The following FRMD4A variants were observed in gnomAD, a reference collection of about 807,000 sequenced individuals.
FRMD4A encodes FERM domain containing 4A, also known as FERM domain-containing protein 4A.
Under a neutral mutation model 129.1 loss-of-function variants are expected in FRMD4A, and 29 were observed. The ratio of observed to expected loss-of-function variants is 0.22; its 90% CI spans 0.17 to 0.31. The LOEUF is 0.31. Among genes scored for constraint, FRMD4A ranks in the 10% least tolerant of loss-of-function variants. The pLI, the probability that FRMD4A is intolerant of heterozygous loss-of-function variation, is 1.00. For synonymous variants in FRMD4A, 634 were observed against 571.6 expected (o/e 1.11, Z -1.56); for missense variants, 1,272 against 1,375.8 (o/e 0.92, Z 1.19).
intron 12 of FRMD4A, among the ~76,000 whole-genome samples, chr10:13,735,465 C>G (rs907201776): frequency 6.6e-6 from 1 of 152,152 alleles, no homozygotes; most frequent in Non-Finnish European, 1.5e-5. Context: ...TATCTTGAAG[C>G]CTGTTTTAGC....
rs371999483 is a variant in FRMD4A at position 13,661,438 on chromosome 10, G to A, written c.1661-885C>T. On this transcript the variant is annotated intron_variant, in intron 19 of 24. Transcript: ENST00000357447. Reference sequence around the variant, plus strand: ...AGCTGCAGGCACATCTGGCCAGGCAGGGGCTGGTGAGGAGGGGCAGGGGGA... The same window carrying A: ...AGCTGCAGGCACATCTGGCCAGGCAAGGGCTGGTGAGGAGGGGCAGGGGGA... Among the ~76,000 whole-genome samples the A allele has an allele frequency of 4.6e-5, 7 of 152,300 alleles. No individual in the cohort carries two copies. In the South Asian group the frequency reaches 6.2e-4, roughly 14 times the overall value.
intron 2 of FRMD4A, among the ~76,000 whole-genome samples, chr10:13,928,667 G>A (rs1287862182): frequency 6.6e-6 from 1 of 152,140 alleles, no homozygotes; most frequent in Non-Finnish European, 1.5e-5. Flanking sequence ...TGCTAAGGCT[G>A]GCTGGCAGTG....
intron 2 of FRMD4A, among the ~76,000 whole-genome samples, chr10:14,253,801 G>T (rs1432318619): frequency 1.3e-5 from 2 of 152,158 alleles, no homozygotes; most frequent in South Asian, 2.1e-4. Flanking sequence ...ACCAAGGACG[G>T]GGTGAAGTGT....
intron 2 of FRMD4A, among the ~76,000 whole-genome samples, chr10:14,147,259 G>A (rs1589075642): frequency 6.6e-6 from 1 of 152,234 alleles, no homozygotes; most frequent in Non-Finnish European, 1.5e-5. Flanking sequence ...AACCCTGATG[G>A]TCATTATATT....
At chr10:13,871,883 C>T (rs1280428570) in intron 2 of FRMD4A, among the ~76,000 whole-genome samples, 2 of 152,238 alleles carry the variant, frequency 1.3e-5, no homozygotes, top group South Asian at 2.1e-4. Context: ...TGAGCCACAC[C>T]GCCGGGGCTT....
At chr10:14,149,803 C>T (rs180856454) in intron 2 of FRMD4A, among the ~76,000 whole-genome samples, 74 of 152,294 alleles carry the variant, frequency 4.9e-4, no homozygotes, top group African/African-American at 1.7e-3. Flanking sequence ...TGCTTCATGT[C>T]CCGAGGTGGC....
intron 12 of FRMD4A, among the ~76,000 whole-genome samples, chr10:13,714,033 T>TAAAATATAC (rs375356403): frequency 4.1e-5 from 1 of 24,244 alleles, no homozygotes; most frequent in South Asian, 9.4e-4. Context: ...TATACATATA[T>TAAAATATAC]ATATATATAT....
rs935194043 is a variant in FRMD4A, at chr10:13,728,727, C to T, written c.759+9117G>A. On this transcript the variant is annotated intron_variant, in intron 12 of 24. Coordinates refer to ENST00000357447, the MANE Select transcript of FRMD4A (RefSeq NM_018027.5). ...CTGGGATTACAGGCGTATATCACCA[C>T]GCCCAGCTAATTTTTGTATTTTTTA... Among the ~76,000 whole-genome samples the T allele has an allele frequency of 4.0e-5, 6 of 151,634 alleles. No individual in the cohort carries two copies. The East Asian group carries it at 5.8e-4, about 15-fold the overall frequency.
intron 2 of FRMD4A, chr10:14,008,387 G>A (rs530065037): frequency 9.8e-7 from 1 of 1,024,312 alleles, no homozygotes; most frequent in South Asian, 3.7e-5. Flanking sequence ...TGCAACTTCA[G>A]CGCCCACGAA....
chr10:14,175,339 G>A (rs1040637652), intron 2 of FRMD4A, among the ~76,000 whole-genome samples: 2 of 152,062 alleles, frequency 1.3e-5, no homozygotes, highest in African/African-American at 4.8e-5. Flanking sequence ...GAGCCACTCT[G>A]TCCTCCAGAT....
chr10:14,195,926 C>A (rs891918613), intron 2 of FRMD4A, among the ~76,000 whole-genome samples: 1 of 152,108 alleles, frequency 6.6e-6, no homozygotes, highest in Non-Finnish European at 1.5e-5. Flanking sequence ...TACGACTTCA[C>A]GACACTCTGA....
chr10:14,309,660 C>A (rs932672269), intron 2 of FRMD4A, among the ~76,000 whole-genome samples: 1 of 152,080 alleles, frequency 6.6e-6, no homozygotes, highest in African/African-American at 2.4e-5. Context: ...GAACCCCAGC[C>A]TCCAGGCCCC....
intron 15 of FRMD4A, among the ~76,000 whole-genome samples, chr10:13,690,338 T>C (rs1486940695): frequency 2.0e-5 from 3 of 152,338 alleles, no homozygotes; most frequent in Non-Finnish European, 2.9e-5. Context: ...CCCTTCCAGA[T>C]GGCGCTGCCA....
intron 15 of FRMD4A, among the ~76,000 whole-genome samples, chr10:13,689,550 T>C (rs1014984375): frequency 6.5e-5 from 3 of 45,884 alleles, no homozygotes; most frequent in African/African-American, 3.7e-4. Context: ...TAGAAGATTC[T>C]TTTTTTTTTT....
intron 15 of FRMD4A, among the ~76,000 whole-genome samples, chr10:13,688,000 T>C (rs1388512468): frequency 6.6e-6 from 1 of 152,126 alleles, no homozygotes; most frequent in Non-Finnish European, 1.5e-5. Context: ...TGCGTATCAC[T>C]ACTACGGGAT....
chr10:14,086,553 A>G (rs1266029053), intron 2 of FRMD4A, among the ~76,000 whole-genome samples: 1 of 152,196 alleles, frequency 6.6e-6, no homozygotes, highest in Non-Finnish European at 1.5e-5. Flanking sequence ...ATTTTATCAT[A>G]AACTCTTCTC....
chr10:14,295,200 G>A (rs920462533), intron 2 of FRMD4A, among the ~76,000 whole-genome samples: 1 of 152,118 alleles, frequency 6.6e-6, no homozygotes, highest in African/African-American at 2.4e-5. Context: ...GAGCCCCTTA[G>A]TATGGCATCA....
chr10:14,247,247 A>C (rs1844275284), intron 2 of FRMD4A, among the ~76,000 whole-genome samples: 1 of 150,658 alleles, frequency 6.6e-6, no homozygotes, highest in African/African-American at 2.5e-5. Context: ...GGTGGAAGTC[A>C]GTTTGCCATC....
At chr10:13,929,578 T>C (rs977912429) in intron 2 of FRMD4A, among the ~76,000 whole-genome samples, 2 of 152,282 alleles carry the variant, frequency 1.3e-5, no homozygotes, top group African/African-American at 4.8e-5. Flanking sequence ...AAACCTGGAA[T>C]TTAGGCTTAT....
Sources: allele counts gnomAD v4.1 joint callset (sites outside exome capture counted in the v4.1 genomes callset), GRCh38; gene constraint gnomAD v4.1.1; transcripts MANE v1.5; gene names NCBI Gene and HGNC (gene_info 2026-07-23, HGNC 2026-07-21).